Variants in ME1 observed in about 807,000 individuals in gnomAD.
ME1 encodes malic enzyme 1, also known as NADP-dependent malic enzyme.
ME1 carries 74 observed loss-of-function variants against 66.4 expected under a neutral mutation model. The observed-to-expected ratio is 1.11, with a 90% CI of 0.92 to 1.35. ME1 has a LOEUF of 1.35. ME1 is among the 40% of genes most tolerant of loss of function. The probability of loss-of-function intolerance (pLI) is 0.00; values close to 1 mark genes in which losing one functional copy is unlikely to be tolerated. For missense variants in ME1, 750 were observed against 694.1 expected (o/e 1.08, Z -0.90); for synonymous variants, 251 against 235.6 (o/e 1.07, Z -0.60).
chr6:83,289,740 C>T (rs561139966), intron 6 of ME1, among the ~76,000 whole-genome samples: 3 of 152,178 alleles, frequency 2.0e-5, no homozygotes, highest in South Asian at 2.1e-4. Context: ...TGGTAGAATA[C>T]GGCTGTGAAT....
Position 83,216,567 on chromosome 6 carries a change from G to C in ME1, c.1479C>G (p.His493Gln). Residue 493 changes from histidine to glutamine, a missense_variant, in exon 13 of 14, where the codon CAC becomes CAG. Transcript: ENST00000369705. Reference sequence around the variant, plus strand: ...GAGGATAAAGCCGACCCTCTTCCAAGTGTTTATCTGACACTTGCTGAGCTA... The same window carrying C: ...GAGGATAAAGCCGACCCTCTTCCAACTGTTTATCTGACACTTGCTGAGCTA... ...EVIAQQVSDK[H>Q]LEEGRLYPPL... is the part of the protein sequence containing the mutation. 6.2e-7 allele frequency: 1 copy of C among 1,610,052 alleles called. No homozygotes were observed. Among genetic ancestry groups the C allele is most frequent in the Non-Finnish European group, 8.5e-7 (1 of 1,179,056 alleles).
At chr6:83,359,718 G>C (rs1039792375) in intron 3 of ME1, among the ~76,000 whole-genome samples, 7 of 152,176 alleles carry the variant, frequency 4.6e-5, no homozygotes, top group African/African-American at 1.4e-4. Context: ...ATCCCAGTAG[G>C]GTGGGTCCAG....
intron 3 of ME1, among the ~76,000 whole-genome samples, chr6:83,385,705 C>T (rs1769491804): frequency 6.6e-6 from 1 of 151,722 alleles, no homozygotes; most frequent in Admixed American, 6.6e-5. Context: ...CAAATTTTTC[C>T]TCATTAAGGC....
At chr6:83,334,223 G>C (rs529134180) in intron 5 of ME1, among the ~76,000 whole-genome samples, 2 of 148,178 alleles carry the variant, frequency 1.3e-5, no homozygotes, top group Non-Finnish European at 3.0e-5. Flanking sequence ...CTGGAAAATC[G>C]GGTCACTCCC....
intron 6 of ME1, among the ~76,000 whole-genome samples, chr6:83,295,980 C>G (rs1767591638): frequency 4.6e-5 from 7 of 151,970 alleles, no homozygotes. Context: ...AGAAACTGAA[C>G]CCCTGAACAG....
chr6:83,306,407 T>C (rs568727951), intron 6 of ME1, among the ~76,000 whole-genome samples: 1 of 152,140 alleles, frequency 6.6e-6, no homozygotes, highest in Non-Finnish European at 1.5e-5. Flanking sequence ...ATAATTTAGC[T>C]TTAATAAATT....
Position 83,357,908 on chromosome 6 carries a change from T to C in ME1, c.363-5769A>G, listed in dbSNP as rs1340271029. On this transcript the variant is annotated intron_variant, in intron 3 of 13. Transcript: ENST00000369705. ...TTAATACTTAATAAACTCCCCTCTC[T>C]CTCTCTCTCTCTCTCTCTCTCTCTC... 4.1e-3 allele frequency among the ~76,000 whole-genome samples: 151 copies of C among 37,104 alleles called. 1 individual carries two copies. The highest frequency in any genetic ancestry group is 0.024 in the Admixed American group (60 of 2,462). The allele number at this position is 37,104 out of a possible 152,430, so 24.3% of individuals were successfully genotyped here.
chr6:83,289,656 T>C (rs1248795684), intron 6 of ME1, among the ~76,000 whole-genome samples: 1 of 152,212 alleles, frequency 6.6e-6, no homozygotes, highest in Non-Finnish European at 1.5e-5. Flanking sequence ...ATAAATGAGT[T>C]AGGGAGGATT....
intron 5 of ME1, among the ~76,000 whole-genome samples, chr6:83,319,451 A>C (rs1250715815): frequency 6.6e-6 from 1 of 152,154 alleles, no homozygotes. Context: ...CCTCTGTCAA[A>C]TTGAGTAGAG....
In ME1 at chr6:83,430,881, T is replaced by C. The variant is rs776590730; in HGVS notation, c.74A>G (p.Asn25Ser). 1 of 1,601,864 alleles carries C rather than the reference T, an allele frequency of 6.2e-7. No homozygotes were observed. The highest frequency in any genetic ancestry group is 8.5e-7 in the Non-Finnish European group (1 of 1,174,540). The change falls in exon 1 of 14, where the codon AAC (asparagine) becomes AGC (serine). Residue 25 changes from asparagine (N) to serine (S), a missense_variant. Coordinates refer to ENST00000369705, the MANE Select transcript of ME1 (RefSeq NM_002395.6). ...GYLLTRNPHLNKDLAFTLEER... is the reference protein window; with the variant it reads ...GYLLTRNPHLSKDLAFTLEER... ...CAGGTGGGCCTGCGGGTTTACCTTG[T>C]TGAGGTGAGGGTTCCGTGTCAGCAG... is the stretch of plus-strand genomic sequence containing the variant.
At chr6:83,227,499 G>A in intron 10 of ME1, 22 bp from the exon 11 acceptor site, 1 of 1,560,364 alleles carries the variant, frequency 6.4e-7, no homozygotes, top group Non-Finnish European at 8.7e-7. Flanking sequence ...ATATGAAGCT[G>A]GTAATTAACA....
intron 6 of ME1, among the ~76,000 whole-genome samples, chr6:83,294,510 C>A (rs933429007): frequency 1.3e-5 from 2 of 152,150 alleles, no homozygotes; most frequent in Admixed American, 6.5e-5. Flanking sequence ...CAAGCAGAGC[C>A]CCCTGCTCAG....
intron 6 of ME1, among the ~76,000 whole-genome samples, chr6:83,294,802 T>C (rs1006157331): frequency 2.0e-5 from 3 of 151,866 alleles, no homozygotes; most frequent in Admixed American, 2.0e-4. Context: ...CCGCCCCCCA[T>C]CCCAGGGCAA....
intron 5 of ME1, among the ~76,000 whole-genome samples, chr6:83,339,606 G>T (rs1287250023): frequency 6.1e-5 from 1 of 16,428 alleles, no homozygotes; most frequent in African/African-American, 1.8e-4. Context: ...TTAAGAAAAT[G>T]TGGCACATAT....
chr6:83,383,058 C>T (rs1235370986), intron 3 of ME1, among the ~76,000 whole-genome samples: 1 of 151,896 alleles, frequency 6.6e-6, no homozygotes, highest in Non-Finnish European at 1.5e-5. Flanking sequence ...TGTCTTCAGA[C>T]TCAAACTGCA....
chr6:83,238,688 T>A (rs889773655), intron 8 of ME1, among the ~76,000 whole-genome samples: 2 of 151,822 alleles, frequency 1.3e-5, no homozygotes, highest in Non-Finnish European at 2.9e-5. Context: ...TTTTGTTTTA[T>A]CTAAAAACAA....
chr6:83,359,159 A>G (rs542142549), intron 3 of ME1, among the ~76,000 whole-genome samples: 33 of 151,446 alleles, frequency 2.2e-4, no homozygotes, highest in African/African-American at 7.8e-4. Context: ...CTTCCCAGAC[A>G]GGGTGGTCGG....
At chr6:83,308,284 T>C (rs1223284795) in intron 6 of ME1, among the ~76,000 whole-genome samples, 1 of 151,350 alleles carries the variant, frequency 6.6e-6, no homozygotes, top group Non-Finnish European at 1.5e-5. Flanking sequence ...TTTTTAAATA[T>C]AGTCTTTGTT....
At chr6:83,275,465 T>A (rs1463371009) in intron 6 of ME1, among the ~76,000 whole-genome samples, 17 of 99,586 alleles carry the variant, frequency 1.7e-4, no homozygotes, top group Admixed American at 1.2e-3. Flanking sequence ...AGTTTTGATC[T>A]TTTTTTTTTT....
Sources: gnomAD v4.1 joint callset for allele counts (sites outside exome capture counted in the v4.1 genomes callset) on GRCh38, gnomAD v4.1.1 for gene constraint, MANE v1.5 for transcripts, NCBI Gene and HGNC (gene_info 2026-07-23, HGNC 2026-07-21) for gene names.